CFAP97: variants seen among roughly 807,000 people sequenced by gnomAD.
The protein encoded by CFAP97 is cilia and flagella associated protein 97, also known as cilia- and flagella-associated protein 97.
CFAP97 carries 36 observed loss-of-function variants against 43.1 expected under a neutral mutation model. The observed-to-expected ratio is 0.84, with a 90% CI of 0.64 to 1.10. The LOEUF (loss-of-function observed/expected upper bound fraction) is 1.10. Ranked by LOEUF, CFAP97 falls within the 50% of genes least tolerant of loss-of-function variation. The probability of loss-of-function intolerance (pLI) is 0.00; values close to 1 mark genes in which losing one functional copy is unlikely to be tolerated. For missense variants in CFAP97, 657 were observed against 620.3 expected (o/e 1.06, Z -0.63); for synonymous variants, 228 against 225.7 (o/e 1.01, Z -0.09).
At chr4:185,187,430 TA>T (rs1736048403) in intron 2 of CFAP97, among the ~76,000 whole-genome samples, 2 of 152,042 alleles carry the variant, frequency 1.3e-5, no homozygotes, top group African/African-American at 4.8e-5. Flanking sequence ...CAGAGTCTAG[TA>T]AGTATCCCGA....
intron 3 of CFAP97, chr4:185,170,393 A>C (rs566442567): frequency 2.8e-5 from 12 of 435,982 alleles, no homozygotes; most frequent in Non-Finnish European, 4.5e-5. Context: ...GACAAAGCAC[A>C]GAAGAGGATA....
intron 1 of CFAP97, among the ~76,000 whole-genome samples, chr4:185,196,466 CAAAAAAAA>C (rs58653090): frequency 0.46 from 60,021 of 129,692 alleles, 14,358 homozygotes; most frequent in East Asian, 0.63. Context: ...TAGTCCGTCT[CAAAAAAAA>C]AAAAAAAAGA....
intron 3 of CFAP97, chr4:185,169,478 G>T: frequency 3.9e-6 from 2 of 515,418 alleles, no homozygotes; most frequent in Non-Finnish European, 5.0e-6. Flanking sequence ...CTCCAGCCTT[G>T]CAGAACTGTA....
intron 3 of CFAP97, among the ~76,000 whole-genome samples, chr4:185,166,768 G>T (rs1236274819): frequency 6.6e-6 from 1 of 152,102 alleles, no homozygotes; most frequent in Non-Finnish European, 1.5e-5. Flanking sequence ...AGTGTTACAT[G>T]AATATAACAA....
At position 185,190,622 on chromosome 4, in the gene CFAP97, C is replaced by T. The variant is rs1052416606; in HGVS notation, c.575G>A (p.Gly192Glu). Reference sequence around the variant, plus strand: ...CGAATCAGATAGATGGCTATCAGACCCTGCATCTAAACAATCTGTACCTGA... The same window carrying T: ...CGAATCAGATAGATGGCTATCAGACTCTGCATCTAAACAATCTGTACCTGA... ...SGSGTDCLDA[G>E]SDSHLSDSSP... The change falls in exon 2 of 5, where the codon GGG becomes GAG. Residue 192 changes from glycine (G) to glutamate (E), a missense_variant. Transcript: ENST00000458385. 9 of 1,600,188 alleles carry T rather than the reference C, an allele frequency of 5.6e-6. No individual in the cohort carries two copies. Among genetic ancestry groups the T allele is most frequent in the Admixed American group, 5.3e-5 (3 of 56,862 alleles).
At chr4:185,167,016 G>T (rs1298061969) in intron 3 of CFAP97, among the ~76,000 whole-genome samples, 1 of 152,062 alleles carries the variant, frequency 6.6e-6, no homozygotes, top group Non-Finnish European at 1.5e-5. Context: ...ATCAGCTATG[G>T]TTAGCATATT....
intron 2 of CFAP97, among the ~76,000 whole-genome samples, chr4:185,179,736 T>C (rs1735709409): frequency 1.3e-5 from 2 of 152,160 alleles, no homozygotes; most frequent in Non-Finnish European, 2.9e-5. Context: ...AGTGTTGGGG[T>C]AATCTGTCAT....
At chr4:185,204,398 AC>A (rs1737095375), upstream of CFAP97, 2 of 152,228 alleles carry the variant, frequency 1.3e-5, no homozygotes, top group African/African-American at 4.8e-5. Context: ...TTCAGTTCAT[AC>A]CACTAGTTAG....
upstream of CFAP97, among the ~76,000 whole-genome samples, chr4:185,208,807 T>C (rs1737326487): frequency 6.6e-6 from 1 of 152,202 alleles, no homozygotes; most frequent in Non-Finnish European, 1.5e-5. Flanking sequence ...TACATCTGCT[T>C]CTTTATTAGT....
intron 1 of CFAP97, among the ~76,000 whole-genome samples, chr4:185,194,155 G>A (rs1379551865): frequency 2.6e-5 from 4 of 152,098 alleles, no homozygotes; most frequent in Admixed American, 6.6e-5. Flanking sequence ...AGACCCTATG[G>A]CCCACAGAGA....
intron 1 of CFAP97, among the ~76,000 whole-genome samples, chr4:185,192,486 T>G (rs1457654275): frequency 6.6e-6 from 1 of 152,200 alleles, no homozygotes; most frequent in East Asian, 1.9e-4. Context: ...ACCACGTTTT[T>G]GTTATAGACC....
rs1736219931 is a variant in CFAP97, at chr4:185,190,917, A to G, written c.280T>C (p.Leu94=). The change falls in exon 2 of 5, where the codon TTG becomes CTG. Residue 94 remains leucine (L), a synonymous_variant. Coordinates refer to ENST00000458385, the MANE Select transcript of CFAP97 (RefSeq NM_020827.3). ...TTTTTTGATCTTGAAGAGGCTGGCA[A>G]TGAGAAAGAACTTACAGTTTGTGTA... ...DVTQTVSSFS[L]PASSRSKKLC... 1.2e-6 allele frequency: 2 copies of G among 1,613,726 alleles called. No individual in the cohort carries two copies. The highest frequency in any genetic ancestry group is 4.5e-5 in the East Asian group (2 of 44,874).
chr4:185,171,691 A>G (rs773325009), intron 3 of CFAP97, among the ~76,000 whole-genome samples: 18 of 152,208 alleles, frequency 1.2e-4, no homozygotes, highest in Non-Finnish European at 2.6e-4. Flanking sequence ...TCAAGTGAAA[A>G]GAAAGAGATA....
chr4:185,199,741 T>C (rs577814241), intron 1 of CFAP97, among the ~76,000 whole-genome samples: 1 of 152,300 alleles, frequency 6.6e-6, no homozygotes, highest in East Asian at 1.9e-4. Flanking sequence ...GTGGTCTATA[T>C]ATAAAACAAA....
chr4:185,160,484 C>T lies in CFAP97; in HGVS notation c.*2314G>A, dbSNP rs774106454. ...CTTAAGAATGTCCCTTAAACTATAACAACTTCATAGCATCTTGACTTAGAA... is the reference window on the plus strand; with the variant it reads ...CTTAAGAATGTCCCTTAAACTATAATAACTTCATAGCATCTTGACTTAGAA... On this transcript the variant is annotated 3_prime_UTR_variant, in exon 5 of 5. Transcript: ENST00000458385. 2.0e-5 allele frequency: 3 copies of T among 152,040 alleles called. No homozygotes were observed. The highest frequency in any genetic ancestry group is 4.4e-5 in the Non-Finnish European group (3 of 67,988). The allele number at this position is 152,040 out of a possible 1,614,324, so 9.4% of individuals were successfully genotyped here.
At chr4:185,194,765 TAATAC>T (rs1361879974) in intron 1 of CFAP97, among the ~76,000 whole-genome samples, 4 of 152,208 alleles carry the variant, frequency 2.6e-5, no homozygotes, top group African/African-American at 7.2e-5. Context: ...ACTGAATTAA[TAATAC>T]AATTTACAGT....
intron 1 of CFAP97, among the ~76,000 whole-genome samples, chr4:185,199,789 TCA>T (rs1736741580): frequency 1.3e-5 from 2 of 152,166 alleles, no homozygotes. Context: ...CAGCCATAAT[TCA>T]CTTTATGTTT....
intron 1 of CFAP97, among the ~76,000 whole-genome samples, chr4:185,198,352 A>G (rs1736651037): frequency 6.6e-6 from 1 of 152,000 alleles, no homozygotes; most frequent in African/African-American, 2.4e-5. Context: ...CTGAGGCACA[A>G]GAATCCTTTG....
chr4:185,183,979 T>C (rs1254873481), intron 2 of CFAP97, among the ~76,000 whole-genome samples: 3 of 152,212 alleles, frequency 2.0e-5, no homozygotes, highest in African/African-American at 7.2e-5. Context: ...GTAGGATTAT[T>C]TTTCTTATTT....
Sources: gnomAD v4.1 joint callset for allele counts (sites outside exome capture counted in the v4.1 genomes callset) on GRCh38, gnomAD v4.1.1 for gene constraint, MANE v1.5 for transcripts, NCBI Gene and HGNC (gene_info 2026-07-23, HGNC 2026-07-21) for gene names.